LETM1: variants seen among roughly 807,000 people sequenced by gnomAD.
LETM1 encodes mitochondrial proton/calcium exchanger protein.
In LETM1, 50 loss-of-function variants were observed where a neutral mutation model predicts 74.5. That is an observed-to-expected ratio of 0.67 (90% CI 0.53 to 0.85). LETM1 has a LOEUF of 0.85. Ranked by LOEUF, LETM1 falls within the 40% of genes least tolerant of loss-of-function variation. The pLI is 0.00. For synonymous variants in LETM1, 446 were observed against 407.1 expected (o/e 1.10, Z -1.15); for missense variants, 824 against 967.8 (o/e 0.85, Z 1.97).
intron 2 of LETM1, among the ~76,000 whole-genome samples, chr4:1,842,444 G>A (rs551241341): frequency 1.2e-3 from 181 of 152,164 alleles, no homozygotes; most frequent in African/African-American, 4.1e-3. Flanking sequence ...CTGCCCCCCC[G>A]CCTGGACATC....
At chr4:1,837,229 C>T (rs538382717) in intron 3 of LETM1, among the ~76,000 whole-genome samples, 22 of 152,202 alleles carry the variant, frequency 1.4e-4, no homozygotes, top group African/African-American at 5.1e-4. Context: ...ACGTTTCCTG[C>T]GTTTCCACTG....
intron 10 of LETM1, among the ~76,000 whole-genome samples, chr4:1,821,330 G>A (rs1402554952): frequency 1.3e-5 from 2 of 151,560 alleles, no homozygotes; most frequent in Admixed American, 1.3e-4. Context: ...CTGACCCCGT[G>A]ATCCGCCCAC....
intron 10 of LETM1, 68 bp downstream of exon 10, chr4:1,822,113 C>T (rs1015612086): frequency 1.5e-6 from 2 of 1,338,152 alleles, no homozygotes; most frequent in African/African-American, 1.5e-5. Context: ...CATCCCTGCC[C>T]CACAACTGTC....
chr4:1,835,743 T>C (rs537317837), intron 4 of LETM1, among the ~76,000 whole-genome samples: 32 of 152,192 alleles, frequency 2.1e-4, no homozygotes, highest in South Asian at 1.5e-3. Flanking sequence ...GACTCCCCTA[T>C]AGCACCGGTA....
In LETM1 at chr4:1,823,045, C is replaced by G; in HGVS notation, c.1419G>C (p.Glu473Asp). ...KAKLEATLQE[E>D]AAIQQEHREK... ...CACGGTGCTCCTGCTGGATGGCCGC[C>G]TCCTCCTGCAGCGTGGCCTCCAGCT... Residue 473 changes from glutamate (E) to aspartate (D), a missense_variant, in exon 9 of 14, where the codon GAG (glutamate) becomes GAC (aspartate). This residue lies in a region of LETM1 where 172 missense variants were observed against 170.7 expected (regional missense o/e 1.01). Transcript: ENST00000302787. 6.2e-7 allele frequency: 1 copy of G among 1,609,204 alleles called. No homozygotes were observed. The highest frequency in any genetic ancestry group is 1.1e-5 in the South Asian group (1 of 90,672).
chr4:1,815,657 G>A lies in LETM1; in HGVS notation c.2070+7C>T. The A allele has an allele frequency of 6.2e-7, 1 of 1,613,998 alleles. No homozygotes were observed. Among genetic ancestry groups the A allele is most frequent in the Non-Finnish European group, 8.5e-7 (1 of 1,179,936 alleles). On this transcript the variant is annotated splice_region_variant and intron_variant, in intron 13 of 13. Transcript: ENST00000302787. The stretch of plus-strand genomic sequence containing the variant: ...GGATGGCCTGCGTGGTCCCCAGCGA[G>A]GCCCACCTTGACGAGGTCGTCGATG...
intron 1 of LETM1, among the ~76,000 whole-genome samples, chr4:1,853,282 T>G (rs1332775135): frequency 1.3e-5 from 2 of 152,362 alleles, no homozygotes; most frequent in East Asian, 3.9e-4. Context: ...GCCCTGCTTC[T>G]GCTCGTAAAG....
intron 7 of LETM1, among the ~76,000 whole-genome samples, chr4:1,824,098 G>T (rs574891759): frequency 6.6e-6 from 1 of 152,232 alleles, no homozygotes; most frequent in African/African-American, 2.4e-5. Flanking sequence ...CGAGGTGGGC[G>T]GATCACCTGA....
At position 1,856,107 on chromosome 4, in the gene LETM1, C is replaced by G. The variant is rs1577331596; in HGVS notation, c.-157G>C. ...ACGGGAGGCGCTCTCCTCAAGGACC[C>G]GGCACCAGCGGCGGCCTTGTCCCGG... On this transcript the variant is annotated 5_prime_UTR_variant, in exon 1 of 14. Coordinates refer to ENST00000302787, the MANE Select transcript of LETM1 (RefSeq NM_012318.3). The G allele has an allele frequency of 2.7e-6, 1 of 371,976 alleles. No individual in the cohort carries two copies. The highest frequency in any genetic ancestry group is 4.6e-6 in the Non-Finnish European group (1 of 218,796). The allele number at this position is 371,976 out of a possible 1,614,324, so 23.0% of individuals were successfully genotyped here.
chr4:1,854,475 A>G (rs1222339053), intron 1 of LETM1, among the ~76,000 whole-genome samples: 5 of 127,854 alleles, frequency 3.9e-5, no homozygotes, highest in Non-Finnish European at 8.1e-5. Flanking sequence ...GCGAGACTCC[A>G]TTTCAAAAAA....
chr4:1,832,040 C>T (rs2108845752), intron 6 of LETM1, among the ~76,000 whole-genome samples: 1 of 152,284 alleles, frequency 6.6e-6, no homozygotes, highest in Admixed American at 6.5e-5. Flanking sequence ...GTGGCTCATG[C>T]CTGTAATCCC....
intron 2 of LETM1, chr4:1,846,607 C>T (rs1712890500): frequency 6.6e-6 from 1 of 152,188 alleles, no homozygotes; most frequent in Admixed American, 6.5e-5. Context: ...TAAAAAGTTG[C>T]TTGACAAATT....
At chr4:1,822,964 G>T (rs757277713) in intron 9 of LETM1, 24 bp downstream of exon 9, 2 of 1,459,746 alleles carry the variant, frequency 1.4e-6, no homozygotes, top group Non-Finnish European at 1.8e-6. Flanking sequence ...GCCCCACGCG[G>T]CACGGAGCAG....
chr4:1,835,013 A>C, intron 4 of LETM1, 31 bp from the exon 5 acceptor site: 1 of 1,600,226 alleles, frequency 6.2e-7, no homozygotes, highest in Non-Finnish European at 8.5e-7. Context: ...CTGCATTCCA[A>C]CTGCTCAGAC....
chr4:1,835,012 A>C (rs1404138764), intron 4 of LETM1, 30 bp from the exon 5 acceptor site: 9 of 1,607,200 alleles, frequency 5.6e-6, no homozygotes, highest in Non-Finnish European at 7.7e-6. Flanking sequence ...ACTGCATTCC[A>C]ACTGCTCAGA....
chr4:1,822,159 G>T, intron 10 of LETM1, 22 bp downstream of exon 10: 1 of 1,381,572 alleles, frequency 7.2e-7, no homozygotes, highest in Non-Finnish European at 9.5e-7. Flanking sequence ...AGCCTCCAGG[G>T]CCCCAGAACC....
At chr4:1,816,527 G>A (rs190405617) in intron 12 of LETM1, among the ~76,000 whole-genome samples, 200 bp downstream of exon 12, 102 of 152,332 alleles carry the variant, frequency 6.7e-4, no homozygotes, top group African/African-American at 2.3e-3. Flanking sequence ...GCCAGGAAGG[G>A]ACGAACTGCT....
chr4:1,841,788 T>A lies in LETM1; in HGVS notation c.153A>T (p.Pro51=). The A allele has an allele frequency of 6.2e-7, 1 of 1,611,236 alleles. No homozygotes were observed. Among genetic ancestry groups the A allele is most frequent in the Admixed American group, 1.7e-5 (1 of 59,890 alleles). ...GGTGGATGGGAGTGCAGCAGCCAAA[T>A]GGAACATTCCTTGAAAAGGGAAGAG... ...TLGLRNCLNV[P]FGCCTPIHPV... Residue 51 remains proline, a synonymous_variant, in exon 3 of 14, where the codon CCA becomes CCT. Transcript: ENST00000302787.
At chr4:1,823,865 C>G (rs1454559494) in intron 7 of LETM1, 90 bp from the exon 8 acceptor site, 1 of 1,394,624 alleles carries the variant, frequency 7.2e-7, no homozygotes, top group Non-Finnish European at 9.7e-7. Flanking sequence ...CAGAATAGCT[C>G]TCAGAGAAGA....
Sources: allele counts gnomAD v4.1 joint callset (sites outside exome capture counted in the v4.1 genomes callset), GRCh38; gene constraint gnomAD v4.1.1; regional missense constraint gnomAD v4.1.1; transcripts MANE v1.5; gene names NCBI Gene and HGNC (gene_info 2026-07-23, HGNC 2026-07-21).